NCAM2: variants seen among roughly 807,000 people sequenced by gnomAD.
NCAM2 encodes the protein neural cell adhesion molecule 2, also known as N-CAM-2.
Under a neutral mutation model 98.1 loss-of-function variants are expected in NCAM2, and 30 were observed. The ratio of observed to expected loss-of-function variants is 0.31; its 90% CI spans 0.23 to 0.41. The LOEUF is 0.41. Ranked by LOEUF, NCAM2 falls within the 10% of genes least tolerant of loss-of-function variation. The probability of loss-of-function intolerance (pLI) is 1.00; values close to 1 mark genes in which losing one functional copy is unlikely to be tolerated. For synonymous variants in NCAM2, 368 were observed against 342.4 expected (o/e 1.07, Z -0.83); for missense variants, 867 against 1,005.8 (o/e 0.86, Z 1.87).
intron 1 of NCAM2, among the ~76,000 whole-genome samples, chr21:21,233,401 A>AT (rs1427615257): frequency 1.3e-5 from 2 of 151,518 alleles, no homozygotes; most frequent in African/African-American, 2.4e-5. Flanking sequence ...ATATGATTTC[A>AT]TTTTTTTATT....
At chr21:21,117,984 G>A (rs1426198585) in intron 1 of NCAM2, among the ~76,000 whole-genome samples, 3 of 152,112 alleles carry the variant, frequency 2.0e-5, no homozygotes, top group African/African-American at 7.2e-5. Flanking sequence ...TATATTAATA[G>A]TGCTAGAAAT....
At chr21:21,187,211 G>A (rs370778293) in intron 1 of NCAM2, among the ~76,000 whole-genome samples, 5 of 152,040 alleles carry the variant, frequency 3.3e-5, no homozygotes, top group East Asian at 3.8e-4. Context: ...GCGACAGAGC[G>A]AAACTCCGTC....
chr21:21,017,213 TA>T (rs78923927), intron 1 of NCAM2, among the ~76,000 whole-genome samples: 1 of 288 alleles, frequency 3.5e-3, no homozygotes, highest in Admixed American at 0.042. Context: ...ATCACTAGGT[TA>T]GAGAGATCTA....
chr21:21,199,696 A>C (rs1197904388), intron 1 of NCAM2, among the ~76,000 whole-genome samples: 3 of 152,224 alleles, frequency 2.0e-5, no homozygotes. Context: ...TAAGAAATAC[A>C]CATTACCACT....
chr21:21,135,820 A>G (rs1415124018), intron 1 of NCAM2, among the ~76,000 whole-genome samples: 2 of 152,160 alleles, frequency 1.3e-5, no homozygotes, highest in Admixed American at 6.5e-5. Context: ...CCAAGTTATT[A>G]CAGGTGGCAA....
chr21:21,003,312 T>C (rs1424440810), intron 1 of NCAM2, among the ~76,000 whole-genome samples: 2 of 152,144 alleles, frequency 1.3e-5, no homozygotes, highest in Non-Finnish European at 2.9e-5. Context: ...CAAAACATTA[T>C]AGTTTGAAGA....
intron 1 of NCAM2, among the ~76,000 whole-genome samples, chr21:21,221,179 T>C (rs1274844153): frequency 6.6e-6 from 1 of 152,180 alleles, no homozygotes; most frequent in African/African-American, 2.4e-5. Context: ...GTGTTCCTAC[T>C]GTTTCATTCA....
At chr21:21,483,330 A>G (rs183900573) in intron 15 of NCAM2, among the ~76,000 whole-genome samples, 3 of 152,202 alleles carry the variant, frequency 2.0e-5, no homozygotes, top group East Asian at 3.9e-4. Context: ...ATGCATACAT[A>G]ATACATACAA....
chr21:21,402,344 A>G (rs139214870), intron 9 of NCAM2, among the ~76,000 whole-genome samples: 2,685 of 152,120 alleles, frequency 0.018, 86 homozygotes, highest in African/African-American at 0.061. Flanking sequence ...GTGAGTGTCT[A>G]TCCTATGTGG....
In NCAM2 at chr21:21,272,934, T is replaced by TCACACACACACACACACACACACACACA. The variant is rs61235726; in HGVS notation, c.56-7642_56-7615dup. Among the ~76,000 whole-genome samples the TCACACACACACACACACACACACACACA allele has an allele frequency of 1.0e-3, 130 of 124,866 alleles. 5 individuals are homozygous for TCACACACACACACACACACACACACACA. The highest frequency in any genetic ancestry group is 1.7e-3 in the African/African-American group (53 of 31,980). The allele number at this position is 124,866 out of a possible 152,430, so 81.9% of individuals were successfully genotyped here. A position where few individuals can be genotyped will look rare whatever the true frequency, so the allele number is the denominator to read the frequency against. Reference sequence around the variant, plus strand: ...CCAAAATGATAATAGGGACATGCATTCACACACACACACACACACACACAC... The same window carrying TCACACACACACACACACACACACACACA: ...CCAAAATGATAATAGGGACATGCATTCACACACACACACACACACACACACACACACACACACACACACACACACACAC... On this transcript the variant is annotated intron_variant, in intron 1 of 17. Transcript: ENST00000400546.
intron 9 of NCAM2, among the ~76,000 whole-genome samples, chr21:21,379,499 A>T (rs2148078854): frequency 6.6e-6 from 1 of 152,068 alleles, no homozygotes; most frequent in Non-Finnish European, 1.5e-5. Flanking sequence ...TTTCCATTTG[A>T]TTTCAACTTT....
intron 1 of NCAM2, among the ~76,000 whole-genome samples, chr21:21,056,224 T>A (rs1453030268): frequency 2.0e-5 from 3 of 152,096 alleles, no homozygotes; most frequent in Non-Finnish European, 4.4e-5. Context: ...GAGTCATATT[T>A]ATTCATTAAA....
intron 1 of NCAM2, among the ~76,000 whole-genome samples, chr21:21,064,072 A>C (rs2065380958): frequency 6.6e-6 from 1 of 152,158 alleles, no homozygotes; most frequent in South Asian, 2.1e-4. Flanking sequence ...CTTAAGTAGA[A>C]GGAGCAGAGT....
chr21:21,287,395 C>A (rs890414895), intron 4 of NCAM2, among the ~76,000 whole-genome samples: 1 of 151,904 alleles, frequency 6.6e-6, no homozygotes, highest in African/African-American at 2.4e-5. Flanking sequence ...ATGTTCAATG[C>A]TTGTCAGTTT....
intron 1 of NCAM2, among the ~76,000 whole-genome samples, chr21:21,169,234 C>G (rs1018594277): frequency 6.6e-5 from 10 of 152,234 alleles, no homozygotes; most frequent in Admixed American, 6.5e-4. Flanking sequence ...TAGATATCCA[C>G]TTGCAAAAAC....
At chr21:21,036,160 G>T (rs2064793387) in intron 1 of NCAM2, among the ~76,000 whole-genome samples, 1 of 152,124 alleles carries the variant, frequency 6.6e-6, no homozygotes, top group Non-Finnish European at 1.5e-5. Context: ...AATATGTCAT[G>T]GATTTAAAGC....
intron 1 of NCAM2, among the ~76,000 whole-genome samples, chr21:21,255,223 T>A (rs577773395): frequency 1.3e-5 from 2 of 152,118 alleles, no homozygotes; most frequent in African/African-American, 2.4e-5. Context: ...CCCGAGTACG[T>A]TGGAGTACAC....
At chr21:21,202,563 T>C (rs2069275850) in intron 1 of NCAM2, among the ~76,000 whole-genome samples, 1 of 151,838 alleles carries the variant, frequency 6.6e-6, no homozygotes, top group African/African-American at 2.4e-5. Context: ...AATACAGGCA[T>C]GTGCCACCAT....
chr21:21,336,117 C>G (rs1436006157), intron 7 of NCAM2, among the ~76,000 whole-genome samples: 1 of 151,916 alleles, frequency 6.6e-6, no homozygotes, highest in Non-Finnish European at 1.5e-5. Context: ...TCCATATTTA[C>G]CAAGAGCCAT....
Sources: allele counts gnomAD v4.1 joint callset (sites outside exome capture counted in the v4.1 genomes callset), GRCh38; gene constraint gnomAD v4.1.1; transcripts MANE v1.5; gene names NCBI Gene and HGNC (gene_info 2026-07-23, HGNC 2026-07-21).